The following SUMF1 variants were observed in gnomAD, a reference collection of about 807,000 sequenced individuals.
SUMF1 encodes the protein formylglycine-generating enzyme.
SUMF1 carries 48 observed loss-of-function variants against 47.6 expected under a neutral mutation model. That is an observed-to-expected ratio of 1.01 (90% CI 0.80 to 1.28). The LOEUF is 1.28. Ranked by LOEUF, SUMF1 falls within the 50% of genes most tolerant of loss-of-function variation. SUMF1 has a pLI of 0.00. For synonymous variants in SUMF1, 230 were observed against 192.1 expected (o/e 1.20, Z -1.63); for missense variants, 571 against 485.4 (o/e 1.18, Z -1.66).
chr3:4,396,152 G>T (rs990728478), intron 7 of SUMF1, among the ~76,000 whole-genome samples: 30 of 152,208 alleles, frequency 2.0e-4, no homozygotes, highest in African/African-American at 6.5e-4. Context: ...GTTGAATAGT[G>T]TGCCCAAGGT....
intron 8 of SUMF1, among the ~76,000 whole-genome samples, chr3:4,152,848 G>A (rs1355247040): frequency 6.6e-6 from 1 of 151,450 alleles, no homozygotes; most frequent in East Asian, 1.9e-4. Context: ...TAATATCATT[G>A]TTACTGATGG....
chr3:4,123,754 T>G lies in SUMF1; in HGVS notation c.1015-55009A>C, dbSNP rs1044126118. ...GAAAGTCATTTCAACTATTTGCACC[T>G]TGATTTTCTCTAAATAATGGGAAAA... On this transcript the variant is annotated intron_variant and NMD_transcript_variant, in intron 8 of 12. Transcript: ENST00000448413. 4.6e-5 allele frequency among the ~76,000 whole-genome samples: 7 copies of G among 152,176 alleles called. 1 individual carries two copies. The highest frequency in any genetic ancestry group is 1.0e-4 in the Non-Finnish European group (7 of 68,030).
intron 7 of SUMF1, among the ~76,000 whole-genome samples, chr3:4,402,799 C>T (rs1460158568): frequency 1.3e-5 from 2 of 152,096 alleles, no homozygotes; most frequent in Non-Finnish European, 2.9e-5. Context: ...ACATACAAAA[C>T]AGAAAAGATT....
chr3:4,439,811 G>A (rs183863627), intron 3 of SUMF1, among the ~76,000 whole-genome samples: 4 of 151,222 alleles, frequency 2.6e-5, no homozygotes, highest in Non-Finnish European at 4.4e-5. Context: ...ATCCTCCGAC[G>A]TCAACCTCCC....
intron 7 of SUMF1, among the ~76,000 whole-genome samples, chr3:4,383,597 A>T (rs13433708): frequency 0.31 from 47,036 of 152,034 alleles, 7,591 homozygotes; most frequent in Middle Eastern, 0.42. Context: ...AAGATGACAG[A>T]AGGCAGGTTT....
intron 8 of SUMF1, among the ~76,000 whole-genome samples, chr3:4,291,138 G>A (rs567985357): frequency 2.6e-5 from 4 of 152,144 alleles, no homozygotes; most frequent in South Asian, 2.1e-4. Context: ...AACTATTCCC[G>A]ATAACTCTAT....
At chr3:4,187,747 T>C (rs1391111732) in intron 8 of SUMF1, among the ~76,000 whole-genome samples, 1 of 152,206 alleles carries the variant, frequency 6.6e-6, no homozygotes, top group Non-Finnish European at 1.5e-5. Context: ...TCAATAATAA[T>C]TGAAACCTAT....
At chr3:4,303,778 A>G (rs776646989) in intron 8 of SUMF1, 1 of 1,443,882 alleles carries the variant, frequency 6.9e-7, no homozygotes, top group South Asian at 1.2e-5. Context: ...CCTTGTGAGA[A>G]CCTGGCTTTT....
chr3:4,208,846 C>T (rs1695712498), intron 8 of SUMF1, among the ~76,000 whole-genome samples: 1 of 151,986 alleles, frequency 6.6e-6, no homozygotes, highest in Non-Finnish European at 1.5e-5. Flanking sequence ...AAAGAGGTAA[C>T]ATATGCACAA....
chr3:4,316,287 G>A (rs976768231), intron 8 of SUMF1: 7 of 997,556 alleles, frequency 7.0e-6, no homozygotes, highest in Non-Finnish European at 1.1e-5. Context: ...TCGTAAAGCA[G>A]CAGAAACAAC....
intron 7 of SUMF1, among the ~76,000 whole-genome samples, chr3:4,381,332 C>T (rs538525953): frequency 6.6e-6 from 1 of 152,104 alleles, no homozygotes; most frequent in African/African-American, 2.4e-5. Flanking sequence ...TTTGGGGACT[C>T]GGGGAAAGGG....
intron 8 of SUMF1, among the ~76,000 whole-genome samples, chr3:4,252,105 C>T (rs1419333989): frequency 1.3e-5 from 2 of 152,126 alleles, no homozygotes; most frequent in Admixed American, 6.5e-5. Flanking sequence ...GTCCTCACCC[C>T]ACTGACCTAA....
At chr3:4,205,796 C>T (rs541333239) in intron 8 of SUMF1, among the ~76,000 whole-genome samples, 8 of 152,222 alleles carry the variant, frequency 5.3e-5, no homozygotes, top group African/African-American at 1.9e-4. Context: ...TCTCTTCACG[C>T]TGACCTACCT....
At chr3:4,200,117 T>C (rs561639702) in intron 8 of SUMF1, among the ~76,000 whole-genome samples, 5 of 152,112 alleles carry the variant, frequency 3.3e-5, no homozygotes, top group Admixed American at 3.3e-4. Context: ...CTCTTACATT[T>C]AGATCTATGA....
intron 7 of SUMF1, among the ~76,000 whole-genome samples, chr3:4,401,149 A>C (rs1286401092): frequency 2.0e-5 from 3 of 151,910 alleles, no homozygotes; most frequent in Non-Finnish European, 4.4e-5. Flanking sequence ...TGAACTCATC[A>C]TTTTTCATGG....
chr3:4,415,333 C>G (rs1701677441), intron 6 of SUMF1, among the ~76,000 whole-genome samples: 1 of 151,954 alleles, frequency 6.6e-6, no homozygotes, highest in Admixed American at 6.6e-5. Flanking sequence ...GAATGGAGCT[C>G]ATTTCAAATG....
At chr3:4,134,126 CATCTACAGAACTCTCCACCACAT>C (rs751077663) in intron 8 of SUMF1, among the ~76,000 whole-genome samples, 24 of 152,264 alleles carry the variant, frequency 1.6e-4, no homozygotes, top group Non-Finnish European at 2.6e-4. Flanking sequence ...ACCTAATAGA[CATCTACAGAACTCTCCACCACAT>C]ATCAACAGAA....
At chr3:4,063,618 C>CTTCA (rs34838189) in intron 9 of SUMF1, among the ~76,000 whole-genome samples, 32,200 of 151,832 alleles carry the variant, frequency 0.21, 4,376 homozygotes, top group Middle Eastern at 0.31. Context: ...GAGAGAGCAC[C>CTTCA]TTCAGTCCAT....
intron 8 of SUMF1, among the ~76,000 whole-genome samples, chr3:4,114,603 G>A (rs946120689): frequency 1.1e-4 from 17 of 152,020 alleles, no homozygotes; most frequent in African/African-American, 3.1e-4. Context: ...AATGAGACCC[G>A]TATCAGGTTA....
Sources: allele counts gnomAD v4.1 joint callset (sites outside exome capture counted in the v4.1 genomes callset), GRCh38; gene constraint gnomAD v4.1.1; transcripts MANE v1.5; gene names NCBI Gene and HGNC (gene_info 2026-07-23, HGNC 2026-07-21).